Variants in AKAP13 observed in about 807,000 individuals in gnomAD.
The protein encoded by AKAP13 is A-kinase anchor protein 13.
Under a neutral mutation model 264.5 loss-of-function variants are expected in AKAP13, and 80 were observed. The observed-to-expected ratio is 0.30, with a 90% confidence interval of 0.25 to 0.36. AKAP13 has a LOEUF of 0.36. AKAP13 is among the 10% of genes least tolerant of loss of function. The pLI is 1.00. For missense variants in AKAP13, 3,712 were observed against 3,435.2 expected (o/e 1.08, Z -2.01); for synonymous variants, 1,380 against 1,250.2 (o/e 1.10, Z -2.19).
chr15:85,532,713 C>G (rs1035844390), intron 3 of AKAP13, among the ~76,000 whole-genome samples: 13 of 152,058 alleles, frequency 8.5e-5, no homozygotes, highest in Admixed American at 2.6e-4. Flanking sequence ...AAAAGAAAGC[C>G]CAATTGTCCA....
rs1567085099 is a variant in AKAP13, at chr15:85,491,497, T to TTTATTATATATTATATATTATA, written c.33+5745_33+5746insTATTATATATTATATATTATAT. ...GGAATATGTATATATTTATATATAT[T>TTTATTATATATTATATATTATA]TATTATATATTATATATTATATATA... On this transcript the variant is annotated intron_variant, in intron 2 of 36. Coordinates refer to ENST00000394518, the MANE Select transcript of AKAP13 (RefSeq NM_007200.5). 9.4e-3 allele frequency among the ~76,000 whole-genome samples: 1,321 copies of TTTATTATATATTATATATTATA among 140,650 alleles called. 15 individuals carry two copies. The highest frequency in any genetic ancestry group is 0.022 in the Middle Eastern group (6 of 268). The allele number at this position is 140,650 out of a possible 152,430, so 92.3% of individuals were successfully genotyped here.
intron 1 of AKAP13, among the ~76,000 whole-genome samples, chr15:85,436,073 T>G (rs2150939646): frequency 7.2e-6 from 1 of 138,608 alleles, no homozygotes; most frequent in Admixed American, 7.4e-5. Flanking sequence ...AGGAAACCCA[T>G]CTCACATGCA....
chr15:85,710,785 T>C (rs888051311), intron 19 of AKAP13, 140 bp downstream of exon 19: 27 of 936,052 alleles, frequency 2.9e-5, no homozygotes, highest in Non-Finnish European at 4.0e-5. Flanking sequence ...GGCTGCTGTT[T>C]TATCCTGCAG....
At chr15:85,402,761 G>A (rs957138135) in intron 1 of AKAP13, among the ~76,000 whole-genome samples, 6 of 152,018 alleles carry the variant, frequency 3.9e-5, no homozygotes, top group South Asian at 2.1e-4. Context: ...TAGCTCTGCC[G>A]TAAATGGTAG....
At chr15:85,720,209 C>CA (rs2087196487) in intron 23 of AKAP13, among the ~76,000 whole-genome samples, 1 of 136,576 alleles carries the variant, frequency 7.3e-6, no homozygotes, top group Admixed American at 7.8e-5. Flanking sequence ...CACTGTACTC[C>CA]AGCCTGGGCG....
At chr15:85,630,402 C>T (rs11635587) in intron 8 of AKAP13, among the ~76,000 whole-genome samples, 30,816 of 152,090 alleles carry the variant, frequency 0.2, 4,131 homozygotes, top group Middle Eastern at 0.42. Context: ...CTGTCATTCC[C>T]ATCTCTATTA....
chr15:85,380,979 G>A (rs1427839715), intron 1 of AKAP13, among the ~76,000 whole-genome samples, 181 bp downstream of exon 1: 1 of 152,126 alleles, frequency 6.6e-6, no homozygotes, highest in Non-Finnish European at 1.5e-5. Context: ...CGGGACCTCA[G>A]GTCTGCGGAC....
chr15:85,393,073 G>A (rs1457511393), intron 1 of AKAP13, among the ~76,000 whole-genome samples: 1 of 152,182 alleles, frequency 6.6e-6, no homozygotes, highest in Non-Finnish European at 1.5e-5. Flanking sequence ...CCTTGTCTTG[G>A]CATTTGAGTT....
In AKAP13 at chr15:85,639,468, T is replaced by G; in HGVS notation, c.4237+19T>G. The G allele has an allele frequency of 1.3e-6, 2 of 1,595,562 alleles. No individual in the cohort carries two copies. The highest frequency in any genetic ancestry group is 1.7e-6 in the Non-Finnish European group (2 of 1,163,940). ...AGCCCAGGTAAGCTGAGATTATCCA[T>G]TCATTTTCTGGAGCTGCAGCCCCAC... On this transcript the variant is annotated intron_variant, in intron 9 of 36. Transcript: ENST00000394518.
intron 1 of AKAP13, among the ~76,000 whole-genome samples, chr15:85,467,168 A>G (rs1196929523): frequency 6.6e-6 from 1 of 151,994 alleles, no homozygotes; most frequent in African/African-American, 2.4e-5. Flanking sequence ...TATACTGTTG[A>G]TTATTCATTT....
intron 7 of AKAP13, 129 bp downstream of exon 7, chr15:85,582,236 AGTT>A: frequency 1.9e-6 from 2 of 1,038,196 alleles, no homozygotes; most frequent in South Asian, 3.6e-5. Context: ...TAGGTAGCCA[AGTT>A]AATAGTCACC....
In AKAP13 at chr15:85,380,744, C is replaced by T. The variant is rs1321960828; in HGVS notation, c.-66C>T. 7 of 152,660 alleles carry T rather than the reference C, an allele frequency of 4.6e-5. No homozygotes were observed. The highest frequency in any genetic ancestry group is 1.0e-4 in the Non-Finnish European group (7 of 68,090). The allele number at this position is 152,660 out of a possible 1,614,324, so 9.5% of individuals were successfully genotyped here. ...GGCCGCCTATTGTCTTTCTCCGCGGCGAAGGTGAAGAGTTGTCCCAGCTCG... is the reference window on the plus strand; with the variant it reads ...GGCCGCCTATTGTCTTTCTCCGCGGTGAAGGTGAAGAGTTGTCCCAGCTCG... On this transcript the variant is annotated 5_prime_UTR_variant, in exon 1 of 37. Transcript: ENST00000394518.
chr15:85,419,945 T>TG (rs1426412776), intron 1 of AKAP13, among the ~76,000 whole-genome samples: 1 of 140,688 alleles, frequency 7.1e-6, no homozygotes, highest in African/African-American at 2.6e-5. Flanking sequence ...GTTTTTTTTT[T>TG]TTTTTTTTTT....
At chr15:85,594,027 A>G (rs1347894104) in intron 8 of AKAP13, among the ~76,000 whole-genome samples, 1 of 152,206 alleles carries the variant, frequency 6.6e-6, no homozygotes, top group Admixed American at 6.5e-5. Context: ...TATAATAGGC[A>G]TTTTAAATGC....
rs1450087789 is a variant in AKAP13, at chr15:85,399,519, A to ATAAAAAT, written c.-12+18721_-12+18722insTAAAAAT. Among the ~76,000 whole-genome samples the ATAAAAAT allele has an allele frequency of 4.5e-3, 565 of 124,562 alleles. 13 individuals are homozygous for ATAAAAAT. Among genetic ancestry groups the ATAAAAAT allele is most frequent in the South Asian group, 9.9e-3 (40 of 4,056 alleles). 81.7% of individuals were successfully genotyped at this position (124,562 alleles called of 152,430 possible). A position where few individuals can be genotyped will look rare whatever the true frequency, so the allele number is the denominator to read the frequency against. ...CTCCGTCTCAAAAAAAAAAAAAAAA[A>ATAAAAAT]AAATAAAAAAATAAAAAAATAAATA... is the stretch of plus-strand genomic sequence containing the variant. On this transcript the variant is annotated intron_variant, in intron 1 of 36. Coordinates refer to ENST00000394518, the MANE Select transcript of AKAP13 (RefSeq NM_007200.5).
intron 27 of AKAP13, among the ~76,000 whole-genome samples, chr15:85,726,832 G>T (rs182666248): frequency 6.6e-6 from 1 of 152,302 alleles, no homozygotes; most frequent in Admixed American, 6.5e-5. Context: ...GATTCATCGT[G>T]TGGAAAACAT....
intron 1 of AKAP13, among the ~76,000 whole-genome samples, chr15:85,444,433 A>G (rs1471944215): frequency 6.6e-6 from 1 of 152,212 alleles, no homozygotes; most frequent in Non-Finnish European, 1.5e-5. Flanking sequence ...TAAAGGCAAT[A>G]AAAAGTAAAA....
chr15:85,434,693 AC>A (rs1432856742), intron 1 of AKAP13, among the ~76,000 whole-genome samples: 2 of 151,944 alleles, frequency 1.3e-5, no homozygotes, highest in South Asian at 2.1e-4. Context: ...ACTGGGAGGT[AC>A]CCCCCAGCAG....
At chr15:85,562,475 G>C (rs2078416174) in intron 5 of AKAP13, among the ~76,000 whole-genome samples, 1 of 149,508 alleles carries the variant, frequency 6.7e-6, no homozygotes, top group Admixed American at 6.7e-5. Context: ...TGAGGTGGGA[G>C]AATCGCTTGT....
Sources: gnomAD v4.1 joint callset for allele counts (sites outside exome capture counted in the v4.1 genomes callset) on GRCh38, gnomAD v4.1.1 for gene constraint, MANE v1.5 for transcripts, NCBI Gene and HGNC (gene_info 2026-07-23, HGNC 2026-07-21) for gene names.